Variants in MTM1 observed in about 807,000 individuals in gnomAD.
The protein encoded by MTM1 is myotubularin.
MTM1 carries 9 observed loss-of-function variants against 52.1 expected under a neutral mutation model. The ratio of observed to expected loss-of-function variants is 0.17; its 90% confidence interval spans 0.10 to 0.30. The LOEUF is 0.30. Ranked by LOEUF, MTM1 falls within the 10% of genes least tolerant of loss-of-function variation. The pLI, the probability that MTM1 is intolerant of heterozygous loss-of-function variation, is 1.00. For missense variants in MTM1, 277 were observed against 470.7 expected (o/e 0.59, Z 3.81); for synonymous variants, 136 against 163.8 (o/e 0.83, Z 1.29).
At chrX:150,582,889 C>T (rs918086345) in intron 1 of MTM1, among the ~76,000 whole-genome samples, 6 of 105,375 alleles carry the variant, frequency 5.7e-5, no homozygotes, top group Admixed American at 1.1e-4. Flanking sequence ...CCCAGGACAC[C>T]AATAGACTGC....
chrX:150,670,555 G>A (rs781832919), intron 14 of MTM1, among the ~76,000 whole-genome samples: 12 of 111,726 alleles, frequency 1.1e-4, no homozygotes, highest in Non-Finnish European at 1.7e-4. Context: ...GAAAACTACC[G>A]TGACATACCA....
At chrX:150,625,196 T>C (rs897610050) in intron 6 of MTM1, among the ~76,000 whole-genome samples, 1 of 112,089 alleles carries the variant, frequency 8.9e-6, no homozygotes, top group African/African-American at 3.2e-5. Context: ...TATGTGCTTC[T>C]GTGTTCTCAT....
At chrX:150,645,389 C>G (rs1246005249) in intron 8 of MTM1, among the ~76,000 whole-genome samples, 2 of 112,461 alleles carry the variant, frequency 1.8e-5, no homozygotes, top group Non-Finnish European at 3.8e-5. Context: ...AAAATAGGAT[C>G]AAGCTTTCAA....
At chrX:150,623,204 C>T (rs1378691247) in intron 6 of MTM1, among the ~76,000 whole-genome samples, 1 of 110,918 alleles carries the variant, frequency 9.0e-6, no homozygotes, top group African/African-American at 3.3e-5. Flanking sequence ...GGAATGGTTA[C>T]AGAGGCGAGG....
intron 1 of MTM1, among the ~76,000 whole-genome samples, chrX:150,585,002 T>C (rs1314181567): frequency 9.0e-6 from 1 of 110,541 alleles, no homozygotes; most frequent in Non-Finnish European, 1.9e-5. Context: ...TCCCTAGATG[T>C]GGAACTCCTG....
intron 6 of MTM1, among the ~76,000 whole-genome samples, chrX:150,629,075 A>G (rs975923786): frequency 6.3e-5 from 7 of 111,020 alleles, no homozygotes; most frequent in Non-Finnish European, 1.9e-5. Context: ...CTGTTGGAAC[A>G]TTGTTAGGAG....
intron 6 of MTM1, among the ~76,000 whole-genome samples, chrX:150,638,151 GGGGA>G (rs2039783222): frequency 8.9e-6 from 1 of 112,024 alleles, no homozygotes; most frequent in Admixed American, 9.5e-5. Context: ...GTACTGAAAT[GGGGA>G]GACTGTGGGA....
At chrX:150,634,466 T>C (rs2039722873) in intron 6 of MTM1, among the ~76,000 whole-genome samples, 1 of 112,517 alleles carries the variant, frequency 8.9e-6, no homozygotes, top group Non-Finnish European at 1.9e-5. Flanking sequence ...TAAATTAAAA[T>C]GACAAGTTAT....
chrX:150,627,373 T>C (rs1332858364), intron 6 of MTM1, among the ~76,000 whole-genome samples: 2 of 111,998 alleles, frequency 1.8e-5, no homozygotes, highest in Non-Finnish European at 3.8e-5. Context: ...GATGGAACTT[T>C]CCTTTGTCTC....
At chrX:150,571,326 G>T (rs1307233056) in intron 1 of MTM1, among the ~76,000 whole-genome samples, 1 of 111,916 alleles carries the variant, frequency 8.9e-6, no homozygotes, top group African/African-American at 3.3e-5. Flanking sequence ...AGATGTGGGG[G>T]ATAGGGACCG....
intron 9 of MTM1, among the ~76,000 whole-genome samples, chrX:150,647,113 T>G (rs1557414010): frequency 9.2e-6 from 1 of 108,635 alleles, no homozygotes; most frequent in Non-Finnish European, 1.9e-5. Context: ...GGAAATTAAA[T>G]CTAACTCTAA....
chrX:150,620,712 T>G (rs1186140798), intron 6 of MTM1, among the ~76,000 whole-genome samples: 1 of 111,996 alleles, frequency 8.9e-6, no homozygotes, highest in Non-Finnish European at 1.9e-5. Context: ...ATGGTTTCGT[T>G]TAGTTTAAAG....
At chrX:150,646,666 C>T (rs782155245) in intron 9 of MTM1, among the ~76,000 whole-genome samples, 1 of 113,001 alleles carries the variant, frequency 8.8e-6, no homozygotes, top group African/African-American at 3.2e-5. Flanking sequence ...ATTGCTCACT[C>T]CCATTCCAGC....
At chrX:150,640,628 C>T (rs1261780610) in intron 7 of MTM1, among the ~76,000 whole-genome samples, 1 of 111,738 alleles carries the variant, frequency 8.9e-6, no homozygotes, top group Non-Finnish European at 1.9e-5. Context: ...CTCCCTGTCA[C>T]ATTAGCAGTC....
chrX:150,666,501 A>G (rs1427864790), intron 14 of MTM1, among the ~76,000 whole-genome samples: 1 of 112,327 alleles, frequency 8.9e-6, no homozygotes, highest in Non-Finnish European at 1.9e-5. Context: ...TCTAAATTCT[A>G]ATACTCATAT....
chrX:150,607,831 A>G (rs191486230), intron 4 of MTM1, among the ~76,000 whole-genome samples: 81 of 111,723 alleles, frequency 7.3e-4, no homozygotes, highest in African/African-American at 2.5e-3. Context: ...TTTCTCCCTC[A>G]CGAAGCTTAT....
chrX:150,668,893 CTTTT>C (rs782408401), intron 14 of MTM1, among the ~76,000 whole-genome samples: 47 of 108,193 alleles, frequency 4.3e-4, no homozygotes, highest in Non-Finnish European at 7.5e-4. Context: ...TGGCTTTTTT[CTTTT>C]TTTTTCTTTT....
chrX:150,602,826 A>T (rs782764265), intron 4 of MTM1, among the ~76,000 whole-genome samples: 1 of 112,162 alleles, frequency 8.9e-6, no homozygotes, highest in Admixed American at 9.4e-5. Flanking sequence ...TCATTCAGGC[A>T]TTCATGTCTT....
Position 150,671,431 on chromosome X carries a change from C to G in MTM1, c.1648C>G (p.Pro550Ala), listed in dbSNP as rs782006230. ...RWNPRIKQQQ[P>A]NPVEQRYMEL... is the part of the protein sequence containing the mutation. ...TCAAGTCTCTGGTTCTCTCCAGCAG[C>G]CGAATCCAGTGGAGCAGCGTTACAT... The change falls in exon 15 of 15, where the codon CCG becomes GCG. Residue 550 changes from proline (P) to alanine (A), a missense_variant. Around this residue, in one of 4 missense-constraint regions of MTM1, gnomAD observed 51 missense variants for 52.2 expected, o/e 0.98. Transcript: ENST00000370396. 14 of 1,211,356 alleles carry G rather than the reference C, an allele frequency of 1.2e-5. No homozygotes were observed.
Sources: gnomAD v4.1 joint callset for allele counts (sites outside exome capture counted in the v4.1 genomes callset) on GRCh38, gnomAD v4.1.1 for gene constraint, gnomAD v4.1.1 regional missense constraint, MANE v1.5 for transcripts, NCBI Gene and HGNC (gene_info 2026-07-23, HGNC 2026-07-21) for gene names.